Variants in PDXDC1 observed in about 807,000 individuals in gnomAD.
PDXDC1 encodes the protein pyridoxal dependent decarboxylase domain containing 1, also known as pyridoxal-dependent decarboxylase domain-containing protein 1.
In PDXDC1, 42 loss-of-function variants were observed where a neutral mutation model predicts 100.1. That is an observed-to-expected ratio of 0.42 (90% confidence interval 0.33 to 0.54). The LOEUF is 0.54. Among genes scored for constraint, PDXDC1 ranks in the 20% least tolerant of loss-of-function variants. The pLI is 0.10. For synonymous variants in PDXDC1, 260 were observed against 371.7 expected, an observed-to-expected ratio of 0.70 and a Z score of 3.46; for missense variants, 636 against 979.2, an observed-to-expected ratio of 0.65 and a Z score of 4.68.
At chr16:15,135,318 A>C in intron 16 of PDXDC1, 1 of 1,533,684 alleles carries the variant, frequency 6.5e-7, no homozygotes, top group Admixed American at 2.0e-5. Context: ...CCGGCCTTCC[A>C]CACGGTGAGG....
intron 16 of PDXDC1, among the ~76,000 whole-genome samples, chr16:15,088,173 A>G (rs1165558995): frequency 1.3e-5 from 2 of 151,966 alleles, no homozygotes; most frequent in African/African-American, 4.8e-5. Context: ...GTACTGAACT[A>G]TTATTATTTC....
chr16:15,041,816 G>A (rs1340776584), downstream of PDXDC1: 3 of 701,574 alleles, frequency 4.3e-6, no homozygotes, highest in Non-Finnish European at 7.9e-6. Context: ...CACTGCCACA[G>A]CCTGGCCTAT....
At position 15,023,287 on chromosome 16, in the gene PDXDC1, G is replaced by A. The variant is rs561935625; in HGVS notation, c.1140+533G>A. 2.0e-5 allele frequency among the ~76,000 whole-genome samples: 3 copies of A among 152,414 alleles called. No individual in the cohort carries two copies. The East Asian group carries it at 5.8e-4, about 29-fold the overall frequency. Reference sequence around the variant, plus strand: ...AACTAGACAAGGAAATAAGGACTTAGGAGAGAATGGGGATCAGTTCAGGTT... The same window carrying A: ...AACTAGACAAGGAAATAAGGACTTAAGAGAGAATGGGGATCAGTTCAGGTT... On this transcript the variant is annotated intron_variant, in intron 13 of 22. Coordinates refer to ENST00000396410, the MANE Select transcript of PDXDC1 (RefSeq NM_015027.4).
chr16:15,071,976 C>G (rs2045252125), intron 16 of PDXDC1, among the ~76,000 whole-genome samples: 2 of 152,158 alleles, frequency 1.3e-5, no homozygotes, highest in Admixed American at 1.3e-4. Flanking sequence ...GGTCTCTGGA[C>G]ACACTGAACT....
intron 16 of PDXDC1, chr16:15,047,127 T>A: frequency 2.6e-6 from 1 of 381,314 alleles, no homozygotes; most frequent in Admixed American, 4.1e-5. Context: ...AATGACTGCA[T>A]GGAGAGCTAC....
Position 15,038,153 on chromosome 16 carries a change from TAGATCTAATATGTTCAACAAA to T in PDXDC1, c.*1879_*1899del. On this transcript the variant is annotated 3_prime_UTR_variant, in exon 23 of 23. Coordinates refer to ENST00000396410, the MANE Select transcript of PDXDC1 (RefSeq NM_015027.4). The stretch of plus-strand genomic sequence containing the variant: ...GGGTGTTTTTTTAAAAACATCAAGG[TAGATCTAATATGTTCAACAAA>T]GTGGGGTGGCTCAGCCAGAGGCGAA... 1 of 1,613,150 alleles carries T rather than the reference TAGATCTAATATGTTCAACAAA, an allele frequency of 6.2e-7. No homozygotes were observed. Among genetic ancestry groups the T allele is most frequent in the Non-Finnish European group, 8.5e-7 (1 of 1,179,246 alleles).
downstream of PDXDC1, among the ~76,000 whole-genome samples, chr16:15,038,985 C>T (rs2043680254): frequency 6.6e-6 from 1 of 152,148 alleles, no homozygotes. Context: ...TCCCAGGTTA[C>T]GTGTCCAGTA....
At chr16:15,015,096 C>T (rs371575068) in intron 8 of PDXDC1, among the ~76,000 whole-genome samples, 10 of 152,258 alleles carry the variant, frequency 6.6e-5, no homozygotes, top group African/African-American at 2.2e-4. Flanking sequence ...CACCACTACA[C>T]CCGGCTAATT....
chr16:15,032,652 T>TAA, intron 17 of PDXDC1: 2 of 297,054 alleles, frequency 6.7e-6, no homozygotes, highest in Non-Finnish European at 5.8e-6. Context: ...AGACCCTGCT[T>TAA]TAAAAAAAAA....
At chr16:15,074,950 TA>T in intron 16 of PDXDC1, 1 of 1,302,236 alleles carries the variant, frequency 7.7e-7, no homozygotes, top group Non-Finnish European at 1.0e-6. Flanking sequence ...TTATTTCCCT[TA>T]AAAGATAAAA....
the PDXDC1 span, among the ~76,000 whole-genome samples, chr16:15,144,375 C>T: frequency 8.5e-5 from 13 of 152,318 alleles, no homozygotes; most frequent in East Asian, 9.7e-4. Flanking sequence ...CAGTTTGGGA[C>T]GGTGCTCATT....
In PDXDC1 at chr16:15,055,966, C is replaced by T. The variant is rs1455114302; in HGVS notation, c.1399+25910C>T. 4.1e-6 allele frequency: 5 copies of T among 1,224,732 alleles called. No homozygotes were observed. The East Asian group carries it at 9.6e-5, about 24-fold the overall frequency. The allele number at this position is 1,224,732 out of a possible 1,614,324, so 75.9% of individuals were successfully genotyped here. On this transcript the variant is annotated intron_variant, in intron 16 of 16. Coordinates refer to the PDXDC1 transcript ENST00000535621. ...GCACTCGCCGCCCCTCGACGAGCAGCGGCATCGCGGAGGCGGCCGCCCAGG... is the reference window on the plus strand; with the variant it reads ...GCACTCGCCGCCCCTCGACGAGCAGTGGCATCGCGGAGGCGGCCGCCCAGG...
intron 1 of PDXDC1, among the ~76,000 whole-genome samples, chr16:14,997,104 AG>A (rs1262768657): frequency 5.3e-5 from 8 of 152,204 alleles, no homozygotes; most frequent in Non-Finnish European, 1.5e-5. Context: ...GAAGAAGGGT[AG>A]GGTCCTTGGT....
intron 16 of PDXDC1, chr16:15,060,261 T>C (rs749005064): frequency 1.2e-5 from 4 of 325,284 alleles, no homozygotes; most frequent in African/African-American, 2.2e-5. Context: ...AAAATCAACA[T>C]TTTGCCAGCA....
At chr16:15,149,001 C>A in the PDXDC1 span, among the ~76,000 whole-genome samples, 3 of 152,234 alleles carry the variant, frequency 2.0e-5, no homozygotes, top group Admixed American at 2.0e-4. Flanking sequence ...GTTCTGAACG[C>A]CCGAGTGCGG....
At chr16:15,131,648 C>T in intron 16 of PDXDC1, 2 of 1,586,536 alleles carry the variant, frequency 1.3e-6, no homozygotes, top group Non-Finnish European at 1.7e-6. Context: ...GGTGACTCGG[C>T]TCCCAGCTCT....
the PDXDC1 span, among the ~76,000 whole-genome samples, chr16:15,144,373 G>T: frequency 1.3e-5 from 2 of 152,228 alleles, no homozygotes; most frequent in Non-Finnish European, 2.9e-5. Flanking sequence ...TGCAGTTTGG[G>T]ACGGTGCTCA....
intron 1 of PDXDC1, chr16:14,989,060 G>T: frequency 6.2e-7 from 1 of 1,614,246 alleles, no homozygotes; most frequent in Non-Finnish European, 8.5e-7. Flanking sequence ...AGGAGAGCAT[G>T]TAATAGAGCG....
chr16:15,023,987 G>A (rs2042396056), intron 13 of PDXDC1, among the ~76,000 whole-genome samples: 1 of 152,296 alleles, frequency 6.6e-6, no homozygotes, highest in South Asian at 2.1e-4. Flanking sequence ...AATCCAGGCG[G>A]TGCTGGGCCC....
Sources: allele counts gnomAD v4.1 joint callset (sites outside exome capture counted in the v4.1 genomes callset), GRCh38; gene constraint gnomAD v4.1.1; transcripts MANE v1.5; gene names NCBI Gene and HGNC (gene_info 2026-07-23, HGNC 2026-07-21).